Variants in CENPE observed in about 807,000 individuals in gnomAD.
CENPE encodes the protein centromere-associated protein E.
In CENPE, 145 loss-of-function variants were observed where a neutral mutation model predicts 336.1. The observed-to-expected ratio is 0.43, with a 90% confidence interval of 0.38 to 0.50. The LOEUF (loss-of-function observed/expected upper bound fraction) is 0.50. Ranked by LOEUF, CENPE falls within the 20% of genes least tolerant of loss-of-function variation. The pLI is 0.00. For missense variants in CENPE, 2,719 were observed against 3,023.3 expected (o/e 0.90, Z 2.36); for synonymous variants, 1,013 against 984.8 (o/e 1.03, Z -0.54).
At chr4:103,161,828 T>C (rs1485982413) in intron 18 of CENPE, among the ~76,000 whole-genome samples, 1 of 151,928 alleles carries the variant, frequency 6.6e-6, no homozygotes, top group Non-Finnish European at 1.5e-5. Context: ...ATTAAAGATA[T>C]TAACCCACAA....
intron 29 of CENPE, among the ~76,000 whole-genome samples, chr4:103,146,690 T>C (rs1753083183): frequency 6.6e-6 from 1 of 152,198 alleles, no homozygotes; most frequent in African/African-American, 2.4e-5. Context: ...ACATAAAGGA[T>C]CCTGGTCTTT....
chr4:103,163,343 A>G, intron 17 of CENPE, 87 bp from the exon 18 acceptor site: 2 of 1,311,586 alleles, frequency 1.5e-6, no homozygotes. Context: ...ATTAGTTTAA[A>G]TTCATAGTAA....
At chr4:103,148,815 A>G in intron 28 of CENPE, 29 bp downstream of exon 28, 1 of 1,590,760 alleles carries the variant, frequency 6.3e-7, no homozygotes, top group Non-Finnish European at 8.6e-7. Context: ...GGAAGAAGTG[A>G]CAAAGGATGA....
chr4:103,180,183 C>CA, intron 13 of CENPE, 128 bp downstream of exon 13: 1 of 778,686 alleles, frequency 1.3e-6, no homozygotes, highest in South Asian at 4.0e-5. Flanking sequence ...CTATGAAACA[C>CA]AAAATCTTCT....
At chr4:103,116,723 T>C (rs764218694) in intron 44 of CENPE, 34 bp from the exon 45 acceptor site, 2 of 1,110,164 alleles carry the variant, frequency 1.8e-6, no homozygotes, top group Non-Finnish European at 2.6e-6. Context: ...AAAATAATTA[T>C]TAGAGGCGCT....
chr4:103,159,265 A>G lies in CENPE; in HGVS notation c.2346T>C (p.Ser782=). The G allele has an allele frequency of 6.3e-7, 1 of 1,587,654 alleles. No homozygotes were observed. Among genetic ancestry groups the G allele is most frequent in the Non-Finnish European group, 8.6e-7 (1 of 1,169,440 alleles). ...CTCTACTCTCCTTATGAACTACTTC[A>G]GAAAACAATTTATCTTTTTCTGATG... ...IITSEKDKLF[S]EVVHKESRVQ... is the part of the protein sequence containing the mutation. Residue 782 remains serine (S), a synonymous_variant, in exon 22 of 49, where the codon TCT becomes TCC. Coordinates refer to ENST00000265148, the MANE Select transcript of CENPE (RefSeq NM_001813.3).
chr4:103,194,812 G>T, intron 5 of CENPE, 128 bp from the exon 6 acceptor site: 1 of 654,786 alleles, frequency 1.5e-6, no homozygotes, highest in Non-Finnish European at 2.5e-6. Context: ...CCATAATTCT[G>T]TAGGAATGTA....
chr4:103,158,948 A>G (rs991885459), intron 22 of CENPE, 62 bp from the exon 23 acceptor site: 142 of 1,541,844 alleles, frequency 9.2e-5, no homozygotes, highest in Non-Finnish European at 1.1e-4. Context: ...GCATACATAT[A>G]TACAGAAACC....
rs550752900 is a variant in CENPE at position 103,193,591 on chromosome 4, G to A, written c.693+638C>T. Among the ~76,000 whole-genome samples, 3 of 152,110 alleles carry A rather than the reference G, an allele frequency of 2.0e-5. No homozygotes were observed. The South Asian group carries it at 6.2e-4, about 32-fold the overall frequency. On this transcript the variant is annotated intron_variant, in intron 8 of 48. Coordinates refer to ENST00000265148, the MANE Select transcript of CENPE (RefSeq NM_001813.3). ...CAGCAATAATTTAGTGTGGAAAGAA[G>A]GAAGTGAAGGTTTACTAATGTGGAA... is the stretch of plus-strand genomic sequence containing the variant.
At chr4:103,146,158 T>C (rs1753040128) in intron 29 of CENPE, 51 bp from the exon 30 acceptor site, 2 of 1,521,906 alleles carry the variant, frequency 1.3e-6, no homozygotes, top group Non-Finnish European at 8.9e-7. Flanking sequence ...TATTGTGTTT[T>C]AGGGGAAAAT....
intron 9 of CENPE, among the ~76,000 whole-genome samples, chr4:103,185,098 A>G (rs143981485): frequency 0.011 from 1,654 of 152,252 alleles, 23 homozygotes; most frequent in African/African-American, 0.034. Context: ...TGAGGCCAAG[A>G]GTTGGAGACC....
intron 8 of CENPE, among the ~76,000 whole-genome samples, chr4:103,188,626 G>C (rs1251561234): frequency 1.3e-5 from 2 of 152,134 alleles, no homozygotes; most frequent in African/African-American, 4.8e-5. Flanking sequence ...CAGAATCTCT[G>C]GGACACATTT....
chr4:103,161,972 A>C (rs1262223285), intron 18 of CENPE, among the ~76,000 whole-genome samples: 5 of 152,170 alleles, frequency 3.3e-5, no homozygotes, highest in Non-Finnish European at 5.9e-5. Context: ...GAGAAGTGGC[A>C]TTTTAATATG....
In CENPE at chr4:103,151,262, G is replaced by A; in HGVS notation, c.3353C>T (p.Thr1118Ile). The A allele has an allele frequency of 6.2e-7, 1 of 1,605,226 alleles. No individual in the cohort carries two copies. Among genetic ancestry groups the A allele is most frequent in the South Asian group, 1.1e-5 (1 of 88,162 alleles). ...TTCAACTTCTGCCAGTCTGTCACAG[G>A]TCCTAGAAAGCTCTCCTTCTTTCTT... ...AIKKEGELSR[T>I]CDRLAEVEEK... Residue 1118 changes from threonine to isoleucine, a missense_variant, in exon 26 of 49, where the codon ACC (threonine) becomes ATC (isoleucine). Coordinates refer to ENST00000265148, the MANE Select transcript of CENPE (RefSeq NM_001813.3).
chr4:103,149,029 A>G, intron 27 of CENPE, 30 bp from the exon 28 acceptor site: 2 of 1,603,232 alleles, frequency 1.2e-6, no homozygotes, highest in East Asian at 2.2e-5. Context: ...AGAATATTGT[A>G]ATATTCTTCC....
intron 1 of CENPE, 62 bp from the exon 2 acceptor site, chr4:103,196,912 T>G (rs1331520889): frequency 1.3e-6 from 1 of 776,156 alleles, no homozygotes; most frequent in Non-Finnish European, 2.2e-6. Flanking sequence ...GGAGGAATAA[T>G]TGAAAAGATT....
chr4:103,147,447 G>T lies in CENPE; in HGVS notation c.4043C>A (p.Thr1348Asn). Residue 1348 changes from threonine (T) to asparagine (N), a missense_variant, in exon 29 of 49, where the codon ACC becomes AAC. Transcript: ENST00000265148. Reference protein sequence around the residue: ...QESQEEIKSLTKERDNLKTIK... With the variant: ...QESQEEIKSLNKERDNLKTIK... ...CGTTTTAAGGTTGTCTCTTTCCTTG[G>T]TTAGAGATTTTATCTCTTCCTGACT... is the stretch of plus-strand genomic sequence containing the variant. 1 of 1,613,874 alleles carries T rather than the reference G, an allele frequency of 6.2e-7. No homozygotes were observed. The highest frequency in any genetic ancestry group is 8.5e-7 in the Non-Finnish European group (1 of 1,179,936).
chr4:103,168,592 C>T (rs1386877010), intron 16 of CENPE, among the ~76,000 whole-genome samples: 1 of 152,208 alleles, frequency 6.6e-6, no homozygotes, highest in Admixed American at 6.5e-5. Context: ...TCAGTTTCTC[C>T]TAGCGATAGT....
At chr4:103,184,876 A>T (rs1429049031) in intron 9 of CENPE, among the ~76,000 whole-genome samples, 1 of 152,290 alleles carries the variant, frequency 6.6e-6, no homozygotes, top group Non-Finnish European at 1.5e-5. Flanking sequence ...TGTACTCTTG[A>T]TAGTCTTATT....
Sources: gnomAD v4.1 joint callset for allele counts (sites outside exome capture counted in the v4.1 genomes callset) on GRCh38, gnomAD v4.1.1 for gene constraint, MANE v1.5 for transcripts, NCBI Gene and HGNC (gene_info 2026-07-23, HGNC 2026-07-21) for gene names.